Variants in PLCB1 observed in about 807,000 individuals in gnomAD.
PLCB1 encodes the protein phospholipase C beta 1, also known as 1-phosphatidylinositol 4,5-bisphosphate phosphodiesterase beta-1.
In PLCB1, 46 loss-of-function variants were observed where a neutral mutation model predicts 161.8. The ratio of observed to expected loss-of-function variants is 0.28; its 90% CI spans 0.22 to 0.36. PLCB1 has a LOEUF of 0.36. PLCB1 is among the 10% of genes least tolerant of loss of function. The pLI is 1.00. For missense variants in PLCB1, 1,016 were observed against 1,472.5 expected (o/e 0.69, Z 5.07); for synonymous variants, 517 against 503.7 (o/e 1.03, Z -0.35).
intron 31 of PLCB1, among the ~76,000 whole-genome samples, chr20:8,868,225 CAGAG>C (rs1987492868): frequency 1.3e-5 from 2 of 152,154 alleles, no homozygotes; most frequent in South Asian, 4.1e-4. Context: ...AAGAATGACA[CAGAG>C]GGAGTGAAAA....
intron 3 of PLCB1, among the ~76,000 whole-genome samples, chr20:8,564,301 G>C (rs1986249587): frequency 6.6e-6 from 1 of 152,000 alleles, no homozygotes; most frequent in South Asian, 2.1e-4. Context: ...AACTGAAACT[G>C]GATCCCTTCC....
At chr20:8,784,913 C>T (rs1037091812) in intron 27 of PLCB1, among the ~76,000 whole-genome samples, 8 of 152,176 alleles carry the variant, frequency 5.3e-5, no homozygotes, top group Non-Finnish European at 1.0e-4. Flanking sequence ...AGGTCGGGTC[C>T]AGTGTAGTTT....
intron 3 of PLCB1, among the ~76,000 whole-genome samples, chr20:8,475,057 A>G (rs1434531877): frequency 1.3e-5 from 2 of 152,104 alleles, no homozygotes; most frequent in South Asian, 2.1e-4. Flanking sequence ...ACTCTTTAGT[A>G]TATTTGGCAA....
At chr20:8,499,485 T>G (rs2122806463) in intron 3 of PLCB1, among the ~76,000 whole-genome samples, 1 of 152,330 alleles carries the variant, frequency 6.6e-6, no homozygotes, top group East Asian at 1.9e-4. Context: ...AATGACTGTA[T>G]CAGTTGTTCA....
chr20:8,280,652 G>C (rs1163596880), intron 2 of PLCB1, among the ~76,000 whole-genome samples: 2 of 152,104 alleles, frequency 1.3e-5, no homozygotes, highest in African/African-American at 4.8e-5. Flanking sequence ...TATTGAATTT[G>C]ATTTGTCTTC....
Position 8,399,333 on chromosome 20 carries a change from C to T in PLCB1, c.246+27883C>T, listed in dbSNP as rs555300836. Among the ~76,000 whole-genome samples the T allele has an allele frequency of 5.9e-5, 9 of 152,222 alleles. No individual in the cohort carries two copies. The South Asian group carries it at 1.9e-3, about 32-fold the overall frequency. On this transcript the variant is annotated intron_variant, in intron 3 of 31. Coordinates refer to ENST00000338037, the MANE Select transcript of PLCB1 (RefSeq NM_015192.4). ...TTGCAATCCAGTTGTGCCAACACCA[C>T]TTATTTAAAAGTCTATCTTTTGTAC...
chr20:8,683,050 T>G (rs946722052), intron 9 of PLCB1, among the ~76,000 whole-genome samples: 1 of 152,098 alleles, frequency 6.6e-6, no homozygotes, highest in African/African-American at 2.4e-5. Flanking sequence ...TATAAAAATA[T>G]AGATAGTTGC....
At chr20:8,202,023 G>T (rs1245365810) in intron 2 of PLCB1, among the ~76,000 whole-genome samples, 2 of 152,124 alleles carry the variant, frequency 1.3e-5, no homozygotes, top group Non-Finnish European at 2.9e-5. Context: ...TCCTCAGCCA[G>T]TATATTCAGG....
chr20:8,649,474 T>C, intron 7 of PLCB1, 25 bp downstream of exon 7: 1 of 1,538,330 alleles, frequency 6.5e-7, no homozygotes, highest in South Asian at 1.1e-5. Flanking sequence ...TATGCTATAG[T>C]TTGAATGTTC....
At chr20:8,738,940 G>A (rs11087821) in intron 20 of PLCB1, among the ~76,000 whole-genome samples, 2 of 151,966 alleles carry the variant, frequency 1.3e-5, no homozygotes, top group African/African-American at 4.8e-5. Context: ...ACCTGAGGTC[G>A]GGAGTTCGAG....
intron 2 of PLCB1, among the ~76,000 whole-genome samples, chr20:8,181,251 A>C: frequency 8.2e-6 from 1 of 122,098 alleles, no homozygotes; most frequent in African/African-American, 4.0e-5. Context: ...TCTGTCTCAA[A>C]AAAAAAAAAA....
intron 2 of PLCB1, among the ~76,000 whole-genome samples, chr20:8,184,315 C>T (rs1353689212): frequency 1.3e-5 from 2 of 152,120 alleles, no homozygotes; most frequent in Admixed American, 1.3e-4. Flanking sequence ...ACTCTAGCAA[C>T]AATTTCACTG....
At chr20:8,561,121 G>A (rs1416237301) in intron 3 of PLCB1, among the ~76,000 whole-genome samples, 1 of 151,772 alleles carries the variant, frequency 6.6e-6, no homozygotes. Context: ...GACTTGGCAG[G>A]GACTGTTCCA....
chr20:8,501,166 A>T (rs1250521774), intron 3 of PLCB1, among the ~76,000 whole-genome samples: 1 of 152,174 alleles, frequency 6.6e-6, no homozygotes, highest in Non-Finnish European at 1.5e-5. Flanking sequence ...TCCATTCAAG[A>T]CCTGGAACAG....
chr20:8,470,178 T>G (rs1981991020), intron 3 of PLCB1, among the ~76,000 whole-genome samples: 7 of 152,222 alleles, frequency 4.6e-5, no homozygotes, highest in Admixed American at 4.6e-4. Context: ...ATTCATCAGT[T>G]GATGGACATT....
chr20:8,331,178 A>G (rs1985350886), intron 2 of PLCB1, among the ~76,000 whole-genome samples: 1 of 152,218 alleles, frequency 6.6e-6, no homozygotes, highest in Non-Finnish European at 1.5e-5. Flanking sequence ...TCCAAAGAAC[A>G]ATAAAACCTT....
chr20:8,157,066 T>G (rs1255766557), intron 2 of PLCB1, among the ~76,000 whole-genome samples: 1 of 152,230 alleles, frequency 6.6e-6, no homozygotes, highest in Admixed American at 6.5e-5. Flanking sequence ...CATTGAAGCT[T>G]AGGTCTGTTT....
intron 31 of PLCB1, among the ~76,000 whole-genome samples, chr20:8,826,474 C>T (rs59579221): frequency 0.044 from 6,062 of 136,426 alleles, 197 homozygotes; most frequent in African/African-American, 0.094. Flanking sequence ...CCAGCCTGGG[C>T]AACAGAGCGA....
intron 2 of PLCB1, among the ~76,000 whole-genome samples, chr20:8,298,723 G>C (rs113652091): frequency 2.0e-5 from 3 of 151,586 alleles, no homozygotes; most frequent in African/African-American, 7.3e-5. Context: ...ATAAATAATT[G>C]CATGTAAAAA....
Sources: allele counts gnomAD v4.1 joint callset (sites outside exome capture counted in the v4.1 genomes callset), GRCh38; gene constraint gnomAD v4.1.1; transcripts MANE v1.5; gene names NCBI Gene and HGNC (gene_info 2026-07-23, HGNC 2026-07-21).